Variants in EPB41L5 observed in about 807,000 individuals in gnomAD.
EPB41L5 encodes erythrocyte membrane protein band 4.1 like 5.
EPB41L5 carries 55 observed loss-of-function variants against 106.6 expected under a neutral mutation model. That is an observed-to-expected ratio of 0.52 (90% CI 0.42 to 0.65). The LOEUF is 0.65. Among genes scored for constraint, EPB41L5 ranks in the 30% least tolerant of loss-of-function variants. EPB41L5 has a pLI of 0.00. For synonymous variants in EPB41L5, 297 were observed against 306.7 expected (o/e 0.97, Z 0.33); for missense variants, 871 against 882.1 (o/e 0.99, Z 0.16).
intron 24 of EPB41L5, among the ~76,000 whole-genome samples, chr2:120,172,294 C>G (rs955746570): frequency 3.9e-5 from 6 of 152,152 alleles, no homozygotes; most frequent in Non-Finnish European, 8.8e-5. Context: ...TTAAAGAGGT[C>G]TGTTGAGTAC....
At chr2:120,110,006 A>G (rs1194693509) in intron 16 of EPB41L5, among the ~76,000 whole-genome samples, 1 of 152,198 alleles carries the variant, frequency 6.6e-6, no homozygotes, top group African/African-American at 2.4e-5. Context: ...AGATTAGTGT[A>G]TTTGACAATT....
At chr2:120,164,486 A>G (rs750298812) in intron 21 of EPB41L5, among the ~76,000 whole-genome samples, 6 of 152,194 alleles carry the variant, frequency 3.9e-5, no homozygotes, top group Non-Finnish European at 5.9e-5. Flanking sequence ...CGCTAGGATT[A>G]CAGGTGTGAG....
At position 120,040,410 on chromosome 2, in the gene EPB41L5, G is replaced by T. The variant is rs61181031; in HGVS notation, c.181-1596G>T. 5.2e-3 allele frequency among the ~76,000 whole-genome samples: 795 copies of T among 152,214 alleles called. 3 individuals carry two copies. Among genetic ancestry groups the T allele is most frequent in the African/African-American group, 0.018 (765 of 41,524 alleles). On this transcript the variant is annotated intron_variant, in intron 2 of 24. Coordinates refer to ENST00000263713, the MANE Select transcript of EPB41L5 (RefSeq NM_020909.4). ...AGATAATGGAATAAATTTTTTTTGA[G>T]TATGGAGAAAGTATTGAAAGAAACT... is the stretch of plus-strand genomic sequence containing the variant.
At chr2:120,038,090 A>G (rs537100437) in intron 2 of EPB41L5, among the ~76,000 whole-genome samples, 3 of 152,314 alleles carry the variant, frequency 2.0e-5, no homozygotes, top group South Asian at 4.1e-4. Context: ...TAAAAAGACA[A>G]CCCACAGAAT....
At chr2:120,118,505 C>T (rs1186515807) in intron 16 of EPB41L5, among the ~76,000 whole-genome samples, 1 of 152,062 alleles carries the variant, frequency 6.6e-6, no homozygotes, top group African/African-American at 2.4e-5. Context: ...CTGATGCTTT[C>T]CCTCCCCCAC....
intron 19 of EPB41L5, among the ~76,000 whole-genome samples, 179 bp from the exon 20 acceptor site, chr2:120,146,046 G>A (rs1249627163): frequency 6.6e-6 from 1 of 152,136 alleles, no homozygotes; most frequent in Non-Finnish European, 1.5e-5. Context: ...TATTAATTTA[G>A]GTATGGGGTA....
chr2:120,168,458 GTTGC>G (rs1303384047), intron 24 of EPB41L5, among the ~76,000 whole-genome samples: 2 of 152,114 alleles, frequency 1.3e-5, no homozygotes, highest in African/African-American at 4.8e-5. Context: ...ATTTCAAGGC[GTTGC>G]TTGCTACAGA....
chr2:120,050,136 T>G (rs556808335), intron 3 of EPB41L5, among the ~76,000 whole-genome samples: 1 of 152,304 alleles, frequency 6.6e-6, no homozygotes, highest in African/African-American at 2.4e-5. Flanking sequence ...CTGACAATTA[T>G]ATGTCTTGGA....
chr2:120,157,075 C>T (rs893977348), intron 20 of EPB41L5, among the ~76,000 whole-genome samples: 1 of 152,116 alleles, frequency 6.6e-6, no homozygotes, highest in African/African-American at 2.4e-5. Flanking sequence ...GAACTGAAAT[C>T]AGAACAGCCA....
At chr2:120,050,919 T>C (rs1680213570) in intron 3 of EPB41L5, among the ~76,000 whole-genome samples, 1 of 152,136 alleles carries the variant, frequency 6.6e-6, no homozygotes, top group Non-Finnish European at 1.5e-5. Context: ...TTGCTGGAGG[T>C]CTACTACATA....
chr2:120,077,139 T>C (rs1682302663), intron 8 of EPB41L5, 48 bp downstream of exon 8: 1 of 1,594,460 alleles, frequency 6.3e-7, no homozygotes. Flanking sequence ...ACAACAGTTA[T>C]TTCATATTCA....
intron 2 of EPB41L5, among the ~76,000 whole-genome samples, chr2:120,027,811 T>C (rs901848231): frequency 6.6e-5 from 10 of 152,206 alleles, no homozygotes; most frequent in Non-Finnish European, 1.5e-4. Flanking sequence ...TTATTTTGAA[T>C]GGGTGAAGGT....
intron 3 of EPB41L5, among the ~76,000 whole-genome samples, chr2:120,068,732 G>C (rs1348959606): frequency 1.3e-5 from 2 of 152,130 alleles, no homozygotes; most frequent in African/African-American, 4.8e-5. Context: ...AGACACCTCG[G>C]TGTGCTGTAT....
chr2:120,090,546 T>C, intron 12 of EPB41L5, 30 bp downstream of exon 12: 1 of 1,593,662 alleles, frequency 6.3e-7, no homozygotes, highest in African/African-American at 1.3e-5. Flanking sequence ...TTATCTGTCT[T>C]TCATTGCATA....
intron 16 of EPB41L5, among the ~76,000 whole-genome samples, chr2:120,113,850 T>G (rs566557911): frequency 6.6e-6 from 1 of 152,376 alleles, no homozygotes; most frequent in Admixed American, 6.5e-5. Context: ...TGATTCCTTT[T>G]AATGGCTTAA....
intron 2 of EPB41L5, among the ~76,000 whole-genome samples, chr2:120,040,129 G>T (rs1039097453): frequency 3.3e-5 from 5 of 151,560 alleles, no homozygotes; most frequent in African/African-American, 1.2e-4. Context: ...AAAAAAGATG[G>T]CAGCACTGAC....
At chr2:120,068,258 C>T (rs1340128515) in intron 3 of EPB41L5, among the ~76,000 whole-genome samples, 3 of 152,360 alleles carry the variant, frequency 2.0e-5, no homozygotes, top group South Asian at 2.1e-4. Context: ...CCAGATACTA[C>T]GCTTTTCCCA....
At chr2:120,059,306 C>G (rs750032518) in intron 3 of EPB41L5, among the ~76,000 whole-genome samples, 1 of 152,074 alleles carries the variant, frequency 6.6e-6, no homozygotes, top group African/African-American at 2.4e-5. Context: ...TGACCTAAAC[C>G]TTATACCTAT....
intron 3 of EPB41L5, among the ~76,000 whole-genome samples, chr2:120,058,163 G>A (rs559897048): frequency 1.3e-5 from 2 of 152,006 alleles, no homozygotes; most frequent in African/African-American, 2.4e-5. Flanking sequence ...GTTATGTTTT[G>A]TATTTTCCTT....
Sources: gnomAD v4.1 joint callset for allele counts (sites outside exome capture counted in the v4.1 genomes callset) on GRCh38, gnomAD v4.1.1 for gene constraint, MANE v1.5 for transcripts, NCBI Gene and HGNC (gene_info 2026-07-23, HGNC 2026-07-21) for gene names.